The following TTC27 variants were observed in gnomAD, a reference collection of about 807,000 sequenced individuals.
TTC27 encodes tetratricopeptide repeat protein 27.
TTC27 carries 79 observed loss-of-function variants against 115.9 expected under a neutral mutation model. The observed-to-expected ratio is 0.68, with a 90% CI of 0.57 to 0.82. The LOEUF is 0.82. TTC27 is among the 40% of genes least tolerant of loss of function. TTC27 has a pLI of 0.00. For synonymous variants in TTC27, 401 were observed against 356.0 expected (o/e 1.13, Z -1.42); for missense variants, 1,054 against 993.1 (o/e 1.06, Z -0.82).
chr2:32,742,593 T>C (rs1475602792), intron 12 of TTC27, among the ~76,000 whole-genome samples: 1 of 152,210 alleles, frequency 6.6e-6, no homozygotes, highest in Non-Finnish European at 1.5e-5. Context: ...TTTGCACTTG[T>C]CACCTCTCAG....
chr2:32,646,498 A>C (rs1664864655), intron 4 of TTC27, among the ~76,000 whole-genome samples: 1 of 151,864 alleles, frequency 6.6e-6, no homozygotes, highest in Non-Finnish European at 1.5e-5. Context: ...AATTCTTGAC[A>C]AACTGAAAAG....
At chr2:32,792,986 A>G (rs1000922020) in intron 16 of TTC27, among the ~76,000 whole-genome samples, 4 of 152,088 alleles carry the variant, frequency 2.6e-5, no homozygotes, top group Admixed American at 1.3e-4. Context: ...GTGGTTCCTG[A>G]TGGAGGTGAG....
intron 9 of TTC27, among the ~76,000 whole-genome samples, chr2:32,697,894 GGT>G (rs1667047056): frequency 6.6e-6 from 1 of 151,946 alleles, no homozygotes; most frequent in Admixed American, 6.5e-5. Flanking sequence ...TGGAATTGTA[GGT>G]GTGCACTAGC....
At chr2:32,669,035 T>C (rs890198214) in intron 7 of TTC27, among the ~76,000 whole-genome samples, 1 of 151,764 alleles carries the variant, frequency 6.6e-6, no homozygotes, top group Non-Finnish European at 1.5e-5. Context: ...GCTGAGATCG[T>C]GCCACTGCAC....
At chr2:32,784,229 C>T (rs1670275625) in intron 15 of TTC27, among the ~76,000 whole-genome samples, 1 of 152,190 alleles carries the variant, frequency 6.6e-6, no homozygotes, top group South Asian at 2.1e-4. Flanking sequence ...TGCTTTCTCT[C>T]TTAGGGGTTC....
intron 4 of TTC27, 43 bp from the exon 5 acceptor site, chr2:32,650,088 T>C (rs1266038324): frequency 6.7e-7 from 1 of 1,501,394 alleles, no homozygotes; most frequent in East Asian, 2.3e-5. Context: ...AAGAGTTTTC[T>C]AAAGTATCCT....
intron 4 of TTC27, among the ~76,000 whole-genome samples, chr2:32,649,517 G>C (rs907573301): frequency 3.3e-5 from 5 of 151,916 alleles, no homozygotes; most frequent in African/African-American, 1.2e-4. Flanking sequence ...AGTGGTGATA[G>C]AGTGCCACAG....
At chr2:32,654,990 C>CA (rs1306385259) in intron 5 of TTC27, among the ~76,000 whole-genome samples, 13 of 138,854 alleles carry the variant, frequency 9.4e-5, no homozygotes, top group Non-Finnish European at 1.8e-4. Context: ...GCCACTGCGT[C>CA]TGGCCTTTTT....
At chr2:32,772,956 A>G (rs1314203421) in intron 13 of TTC27, among the ~76,000 whole-genome samples, 3 of 152,200 alleles carry the variant, frequency 2.0e-5, no homozygotes, top group East Asian at 1.9e-4. Context: ...CCAGGGTCGT[A>G]ACAGTTACTC....
intron 14 of TTC27, among the ~76,000 whole-genome samples, chr2:32,781,654 C>T (rs529420850): frequency 1.8e-4 from 27 of 152,038 alleles, no homozygotes; most frequent in Non-Finnish European, 3.4e-4. Flanking sequence ...CTCTCTTGAC[C>T]AGGCTAGTCT....
chr2:32,802,015 C>T (rs989851286), intron 16 of TTC27, among the ~76,000 whole-genome samples: 6 of 152,150 alleles, frequency 3.9e-5, no homozygotes, highest in African/African-American at 1.4e-4. Context: ...TTATGACATT[C>T]CCTGACATAC....
At chr2:32,754,943 G>T (rs1247935450) in intron 12 of TTC27, among the ~76,000 whole-genome samples, 2 of 151,970 alleles carry the variant, frequency 1.3e-5, no homozygotes, top group Non-Finnish European at 2.9e-5. Context: ...TTCCCAGACG[G>T]GGCGGCTGCT....
intron 10 of TTC27, among the ~76,000 whole-genome samples, chr2:32,719,491 T>C (rs1324104275): frequency 6.6e-6 from 1 of 152,104 alleles, no homozygotes; most frequent in Non-Finnish European, 1.5e-5. Context: ...AGATCTCAGG[T>C]CAAAGCAGCT....
Position 32,793,591 on chromosome 2 carries a change from C to T in TTC27, c.1998+6442C>T, listed in dbSNP as rs138330908. Among the ~76,000 whole-genome samples, 729 of 152,294 alleles carry T rather than the reference C, an allele frequency of 4.8e-3. 10 individuals carry two copies. Among genetic ancestry groups the T allele is most frequent in the African/African-American group, 0.016 (682 of 41,562 alleles). ...AGGCTGGAATACAATGGTGCCATCTCGGCTCACTGCAACCTCTCCTTCCTG... is the reference window on the plus strand; with the variant it reads ...AGGCTGGAATACAATGGTGCCATCTTGGCTCACTGCAACCTCTCCTTCCTG... On this transcript the variant is annotated intron_variant, in intron 16 of 19. Transcript: ENST00000317907.
At chr2:32,670,246 C>A (rs1416417219) in intron 7 of TTC27, among the ~76,000 whole-genome samples, 1 of 152,124 alleles carries the variant, frequency 6.6e-6, no homozygotes, top group East Asian at 1.9e-4. Context: ...AAAAATTTAA[C>A]CCAAGATTAT....
At chr2:32,782,011 A>G (rs1322433757) in intron 14 of TTC27, among the ~76,000 whole-genome samples, 1 of 152,194 alleles carries the variant, frequency 6.6e-6, no homozygotes, top group African/African-American at 2.4e-5. Flanking sequence ...AGAATGATAT[A>G]TACTATATTA....
chr2:32,673,463 C>T (rs1342959728), intron 8 of TTC27, among the ~76,000 whole-genome samples: 1 of 151,930 alleles, frequency 6.6e-6, no homozygotes, highest in Non-Finnish European at 1.5e-5. Context: ...CTGACCTCAG[C>T]TGATCCGCCC....
At chr2:32,677,089 G>T (rs1394926371) in intron 8 of TTC27, among the ~76,000 whole-genome samples, 1 of 152,038 alleles carries the variant, frequency 6.6e-6, no homozygotes, top group Admixed American at 6.6e-5. Flanking sequence ...ATGCTTGTAA[G>T]TCAGTTGCTT....
intron 13 of TTC27, among the ~76,000 whole-genome samples, chr2:32,768,183 C>T (rs1242859482): frequency 1.3e-5 from 2 of 151,934 alleles, no homozygotes; most frequent in African/African-American, 4.8e-5. Context: ...GATTAATTCT[C>T]CTTTATTATT....
Sources: gnomAD v4.1 joint callset for allele counts (sites outside exome capture counted in the v4.1 genomes callset) on GRCh38, gnomAD v4.1.1 for gene constraint, MANE v1.5 for transcripts, NCBI Gene and HGNC (gene_info 2026-07-23, HGNC 2026-07-21) for gene names.